The following ATP6V1G3 variants were observed in gnomAD, a reference collection of about 807,000 sequenced individuals.
ATP6V1G3 encodes V-type proton ATPase subunit G 3.
ATP6V1G3 carries 9 observed loss-of-function variants against 9.3 expected under a neutral mutation model. That is an observed-to-expected ratio of 0.97 (90% confidence interval 0.59 to 1.69). ATP6V1G3 has a LOEUF of 1.69. Among genes scored for constraint, ATP6V1G3 ranks in the 40% most tolerant of loss-of-function variants. The pLI is 0.00. For synonymous variants in ATP6V1G3, 43 were observed against 43.8 expected (o/e 0.98, Z 0.07); for missense variants, 133 against 139.0 (o/e 0.96, Z 0.22).
intron 2 of ATP6V1G3, among the ~76,000 whole-genome samples, chr1:198,524,837 G>T (rs1448256636): frequency 6.6e-6 from 1 of 152,174 alleles, no homozygotes; most frequent in Non-Finnish European, 1.5e-5. Context: ...AGAGTGTTTA[G>T]GAAAAGTATG....
At chr1:198,528,314 GATT>G (rs977043968) in intron 2 of ATP6V1G3, among the ~76,000 whole-genome samples, 1 of 152,060 alleles carries the variant, frequency 6.6e-6, no homozygotes, top group Non-Finnish European at 1.5e-5. Context: ...TGTAAATAAA[GATT>G]TCCAAATTGC....
chr1:198,529,201 TATA>T lies in ATP6V1G3; in HGVS notation c.83-23_83-21del. On this transcript the variant is annotated intron_variant, in intron 1 of 2. Transcript: ENST00000367382. The stretch of plus-strand genomic sequence containing the variant: ...CTTTTCCTGAAAATTAACAAATATA[TATA>T]TATATATATATAATTATATATATCA... 2.6e-6 allele frequency: 1 copy of T among 387,458 alleles called. No individual in the cohort carries two copies. Among genetic ancestry groups the T allele is most frequent in the Middle Eastern group, 5.3e-4 (1 of 1,874 alleles). 24.0% of individuals were successfully genotyped at this position (387,458 alleles called of 1,614,324 possible).
chr1:198,531,581 C>G (rs1488649394), intron 1 of ATP6V1G3, among the ~76,000 whole-genome samples: 1 of 152,060 alleles, frequency 6.6e-6, no homozygotes, highest in African/African-American at 2.4e-5. Context: ...CTCTTCCTGG[C>G]CTTCTCATTA....
chr1:198,531,307 T>A (rs1269635243), intron 1 of ATP6V1G3, among the ~76,000 whole-genome samples: 1 of 152,172 alleles, frequency 6.6e-6, no homozygotes, highest in Non-Finnish European at 1.5e-5. Flanking sequence ...TACTGTTCTG[T>A]TAGAGGTGAA....
chr1:198,530,870 A>AT (rs1323523140), intron 1 of ATP6V1G3, among the ~76,000 whole-genome samples: 6 of 152,056 alleles, frequency 3.9e-5, no homozygotes, highest in East Asian at 1.9e-4. Context: ...TAATGTATTG[A>AT]TTTTTTTTAG....
intron 1 of ATP6V1G3, among the ~76,000 whole-genome samples, chr1:198,538,046 C>T (rs934875595): frequency 3.9e-5 from 6 of 152,174 alleles, no homozygotes; most frequent in Non-Finnish European, 8.8e-5. Flanking sequence ...AGAGGACAGG[C>T]TGACATTCTC....
At chr1:198,539,068 A>G (rs1408809902) in intron 1 of ATP6V1G3, among the ~76,000 whole-genome samples, 2 of 152,176 alleles carry the variant, frequency 1.3e-5, no homozygotes, top group East Asian at 3.8e-4. Context: ...AAATTGAGAA[A>G]TAGGTAAAGT....
chr1:198,524,507 C>T (rs575625633), intron 2 of ATP6V1G3, among the ~76,000 whole-genome samples: 169 of 152,238 alleles, frequency 1.1e-3, no homozygotes, highest in Non-Finnish European at 1.7e-3. Flanking sequence ...TGTGCTTGTT[C>T]ATTTAGTTAC....
rs536551566 is a variant in ATP6V1G3, at chr1:198,532,279, T to C, written c.83-3098A>G. Among the ~76,000 whole-genome samples, 3 of 152,138 alleles carry C rather than the reference T, an allele frequency of 2.0e-5. No individual in the cohort carries two copies. In the South Asian group the frequency reaches 6.2e-4, roughly 32 times the overall value. ...TGGGGGAATATTAACACTCAACCTTTAAGAAAAGAAGGAGGAAGGTTGGAA... is the reference window on the plus strand; with the variant it reads ...TGGGGGAATATTAACACTCAACCTTCAAGAAAAGAAGGAGGAAGGTTGGAA... On this transcript the variant is annotated intron_variant, in intron 1 of 2. Transcript: ENST00000367382.
chr1:198,535,399 T>C (rs918721079), intron 1 of ATP6V1G3, among the ~76,000 whole-genome samples: 7 of 152,164 alleles, frequency 4.6e-5, no homozygotes, highest in Non-Finnish European at 7.4e-5. Flanking sequence ...AATATATGCA[T>C]ATTTGGAAGC....
intron 2 of ATP6V1G3, among the ~76,000 whole-genome samples, chr1:198,525,604 T>G (rs909843445): frequency 3.3e-5 from 5 of 152,168 alleles, no homozygotes; most frequent in African/African-American, 1.2e-4. Context: ...GTAAAAGAAG[T>G]AGGTGCAGTT....
intron 1 of ATP6V1G3, among the ~76,000 whole-genome samples, chr1:198,537,342 C>T (rs969314151): frequency 6.6e-6 from 1 of 152,110 alleles, no homozygotes; most frequent in Non-Finnish European, 1.5e-5. Context: ...CCATATTAAT[C>T]TTGTATTTTC....
intron 1 of ATP6V1G3, among the ~76,000 whole-genome samples, chr1:198,538,287 AAGATTGCCCAAGGACAGCAT>A (rs140790049): frequency 0.018 from 2,761 of 152,300 alleles, 68 homozygotes; most frequent in African/African-American, 0.062. Flanking sequence ...ATTCTGAGGA[AAGATTGCCCAAGGACAGCAT>A]ATTCACTAGA....
intron 1 of ATP6V1G3, among the ~76,000 whole-genome samples, chr1:198,538,479 C>A (rs1037779678): frequency 7.2e-5 from 11 of 152,100 alleles, no homozygotes; most frequent in Admixed American, 4.6e-4. Context: ...TTGAGTCATA[C>A]AATAATATTG....
At position 198,526,176 on chromosome 1, in the gene ATP6V1G3, T is replaced by A. The variant is rs187310204; in HGVS notation, c.184-2612A>T. 5.3e-3 allele frequency among the ~76,000 whole-genome samples: 802 copies of A among 152,310 alleles called. 3 individuals carry two copies. Among genetic ancestry groups the A allele is most frequent in the Non-Finnish European group, 9.0e-3 (610 of 68,010 alleles). On this transcript the variant is annotated intron_variant, in intron 2 of 2. Coordinates refer to ENST00000367382, the MANE Select transcript of ATP6V1G3 (RefSeq NM_001376861.1). ...TATAACAATGACTAGTCATACACTA[T>A]TTTAAATGGTTTTCCTAGGGAAGAA...
intron 1 of ATP6V1G3, among the ~76,000 whole-genome samples, chr1:198,531,154 C>A (rs1659883535): frequency 6.6e-6 from 1 of 152,120 alleles, no homozygotes; most frequent in East Asian, 1.9e-4. Context: ...CCTGCTGGTT[C>A]TCATTCAATT....
In ATP6V1G3 at chr1:198,529,061, G is replaced by A. The variant is rs767056518; in HGVS notation, c.183+20C>T. The A allele has an allele frequency of 4.2e-6, 5 of 1,191,422 alleles. No homozygotes were observed. Among genetic ancestry groups the A allele is most frequent in the Non-Finnish European group, 1.2e-6 (1 of 820,782 alleles). 73.8% of individuals were successfully genotyped at this position (1,191,422 alleles called of 1,614,324 possible). A position where few individuals can be genotyped will look rare whatever the true frequency, so the allele number is the denominator to read the frequency against. ...TCTTATCTATTCTGCATAAGAAACA[G>A]TGCTGACTTTCTTACTCACCTTAGA... On this transcript the variant is annotated intron_variant, in intron 2 of 2. Coordinates refer to ENST00000367382, the MANE Select transcript of ATP6V1G3 (RefSeq NM_001376861.1).
chr1:198,529,945 A>AC (rs1659828928), intron 1 of ATP6V1G3, among the ~76,000 whole-genome samples: 2 of 152,118 alleles, frequency 1.3e-5, no homozygotes, highest in East Asian at 1.9e-4. Flanking sequence ...AGACGAATAC[A>AC]ATGCTGTGGT....
In ATP6V1G3 at chr1:198,540,636, A is replaced by G; in HGVS notation, c.15T>C (p.Ser5=). The G allele has an allele frequency of 6.2e-7, 1 of 1,614,020 alleles. No homozygotes were observed. Among genetic ancestry groups the G allele is most frequent in the Non-Finnish European group, 8.5e-7 (1 of 1,179,938 alleles). ...CCTGAAGAAGCTGGTGGATCCCCTGAGACTGGCTTGTCATGGTAGTCTGCT... is the reference window on the plus strand; with the variant it reads ...CCTGAAGAAGCTGGTGGATCCCCTGGGACTGGCTTGTCATGGTAGTCTGCT... MTSQ[S]QGIHQLLQAE... The change falls in exon 1 of 3, where the codon TCT becomes TCC. Residue 5 remains serine (S), a synonymous_variant. Transcript: ENST00000367382.
Sources: allele counts gnomAD v4.1 joint callset (sites outside exome capture counted in the v4.1 genomes callset), GRCh38; gene constraint gnomAD v4.1.1; transcripts MANE v1.5; gene names NCBI Gene and HGNC (gene_info 2026-07-23, HGNC 2026-07-21).